RNF212B: variants seen among roughly 807,000 people sequenced by gnomAD.
RNF212B encodes the protein ring finger protein 212B, also known as E3 ubiquitin-protein ligase RNF212B.
A neutral mutation model predicts 55.5 loss-of-function variants in RNF212B; 52 were observed. The observed-to-expected ratio is 0.94, with a 90% CI of 0.75 to 1.18. The LOEUF is 1.18. RNF212B is among the 50% of genes most tolerant of loss of function. The probability of loss-of-function intolerance (pLI) is 0.00; values close to 1 mark genes in which losing one functional copy is unlikely to be tolerated. For missense variants in RNF212B, 289 were observed against 350.4 expected (o/e 0.82, Z 1.40); for synonymous variants, 99 against 121.4 (o/e 0.82, Z 1.21).
upstream of RNF212B, among the ~76,000 whole-genome samples, chr14:23,235,902 G>A (rs1466296839): frequency 1.3e-5 from 2 of 152,142 alleles, no homozygotes; most frequent in African/African-American, 4.8e-5. Context: ...TCATTGATAT[G>A]GTTCAGATCC....
In RNF212B at chr14:23,229,861, C is replaced by A. The variant is rs916948978; in HGVS notation, c.-1-10484C>A. On this transcript the variant is annotated intron_variant, in intron 2 of 15. Coordinates refer to the RNF212B transcript ENST00000399910. ...AAAACTATATTCCCAATAAAACATG[C>A]CCAACTGTCCAGATAGTGGTGACAT... 6 of 155,794 alleles carry A rather than the reference C, an allele frequency of 3.9e-5. No homozygotes were observed. The East Asian group carries it at 1.1e-3, about 29-fold the overall frequency. 9.7% of individuals were successfully genotyped at this position (155,794 alleles called of 1,614,324 possible).
Position 23,273,225 on chromosome 14 carries a change from A to G in RNF212B, c.*334A>G, listed in dbSNP as rs540814469. The G allele has an allele frequency of 1.8e-4, 34 of 188,094 alleles. No individual in the cohort carries two copies. Among genetic ancestry groups the G allele is most frequent in the Admixed American group, 4.0e-4 (7 of 17,604 alleles). The allele number at this position is 188,094 out of a possible 1,614,324, so 11.7% of individuals were successfully genotyped here. On this transcript the variant is annotated 3_prime_UTR_variant, in exon 15 of 15. Transcript: ENST00000430154. ...GAGTTGGGAATGGGGATTGTGATGG[A>G]TCATATACTCATCACTGTTTCATTT... is the stretch of plus-strand genomic sequence containing the variant.
chr14:23,262,856 C>A (rs1885398906), intron 8 of RNF212B, 72 bp from the exon 9 acceptor site: 2 of 1,480,758 alleles, frequency 1.4e-6, no homozygotes, highest in East Asian at 2.5e-5. Context: ...TAACCATGTA[C>A]AACAAATTGG....
chr14:23,251,414 G>A (rs1444218753), intron 4 of RNF212B, among the ~76,000 whole-genome samples: 1 of 152,156 alleles, frequency 6.6e-6, no homozygotes, highest in Non-Finnish European at 1.5e-5. Context: ...ACAAACTTGA[G>A]GATTCCCATG....
intron 2 of RNF212B, among the ~76,000 whole-genome samples, chr14:23,199,523 T>G (rs1004004527): frequency 1.2e-4 from 18 of 152,188 alleles, no homozygotes; most frequent in Non-Finnish European, 2.4e-4. Flanking sequence ...TCCTTTCATA[T>G]TTCCCCCCTT....
intron 2 of RNF212B, among the ~76,000 whole-genome samples, chr14:23,225,897 A>G (rs1437020635): frequency 6.6e-6 from 1 of 152,228 alleles, no homozygotes; most frequent in Non-Finnish European, 1.5e-5. Flanking sequence ...CCTATCTTTC[A>G]TGATGTGAAT....
At chr14:23,185,809 T>C (rs1367328305) in intron 1 of RNF212B, among the ~76,000 whole-genome samples, 1 of 152,140 alleles carries the variant, frequency 6.6e-6, no homozygotes, top group Non-Finnish European at 1.5e-5. Flanking sequence ...ATGTAATATC[T>C]AGGAAAGGGG....
At chr14:23,253,818 A>G (rs1183056479) in intron 4 of RNF212B, among the ~76,000 whole-genome samples, 1 of 152,226 alleles carries the variant, frequency 6.6e-6, no homozygotes, top group Non-Finnish European at 1.5e-5. Flanking sequence ...GAGTTTCACA[A>G]AAGATAGATA....
Position 23,262,647 on chromosome 14 carries a change from T to TG in RNF212B, c.435-18_435-17insG. On this transcript the variant is annotated splice_polypyrimidine_tract_variant and intron_variant, in intron 7 of 14. Transcript: ENST00000430154. ...TGCCTAGAGAGATTAGAGCCGCCTC[T>TG]TTTTTTTTCCCTTGCAGGTCAATCA... is the stretch of plus-strand genomic sequence containing the variant. 6.7e-7 allele frequency: 1 copy of TG among 1,482,662 alleles called. No homozygotes were observed. Among genetic ancestry groups the TG allele is most frequent in the East Asian group, 2.5e-5 (1 of 39,260 alleles). 91.8% of individuals were successfully genotyped at this position (1,482,662 alleles called of 1,614,324 possible).
At chr14:23,209,722 A>G (rs1232406398) in intron 2 of RNF212B, among the ~76,000 whole-genome samples, 1 of 151,722 alleles carries the variant, frequency 6.6e-6, no homozygotes, top group Non-Finnish European at 1.5e-5. Context: ...AAAAATAGTA[A>G]CTTTACAGTG....
chr14:23,239,294 A>T (rs1883382006), intron 1 of RNF212B, among the ~76,000 whole-genome samples: 1 of 152,186 alleles, frequency 6.6e-6, no homozygotes. Flanking sequence ...TCCTGGCCTC[A>T]GGTGATCCAC....
chr14:23,246,932 G>A (rs772832666), intron 4 of RNF212B, among the ~76,000 whole-genome samples: 8 of 152,064 alleles, frequency 5.3e-5, no homozygotes, highest in African/African-American at 7.2e-5. Context: ...CCTGAGGTCC[G>A]GGGTTCGAGA....
intron 2 of RNF212B, among the ~76,000 whole-genome samples, chr14:23,225,165 G>A (rs74605022): frequency 0.086 from 13,132 of 152,090 alleles, 782 homozygotes; most frequent in African/African-American, 0.17. Flanking sequence ...ACAAGTGCTG[G>A]CGAGGATGTG....
rs553679966 is a variant in RNF212B, at chr14:23,216,923, C to T, written c.-1-23422C>T. On this transcript the variant is annotated intron_variant, in intron 2 of 15. Coordinates refer to the RNF212B transcript ENST00000399910. ...AAAAAAAGACCAATCTCAAAGGTTACAGATTGTATGATTCCACTTATACAA... is the reference window on the plus strand; with the variant it reads ...AAAAAAAGACCAATCTCAAAGGTTATAGATTGTATGATTCCACTTATACAA... Among the ~76,000 whole-genome samples the T allele has an allele frequency of 3.1e-5, 4 of 128,858 alleles. No homozygotes were observed. The East Asian group carries it at 9.9e-4, about 32-fold the overall frequency. The allele number at this position is 128,858 out of a possible 152,430, so 84.5% of individuals were successfully genotyped here. A position where few individuals can be genotyped will look rare whatever the true frequency, so the allele number is the denominator to read the frequency against.
At chr14:23,259,269 G>C (rs1885110691) in intron 5 of RNF212B, among the ~76,000 whole-genome samples, 1 of 151,156 alleles carries the variant, frequency 6.6e-6, no homozygotes, top group Non-Finnish European at 1.5e-5. Flanking sequence ...ACTCATTGTA[G>C]CCTCAATCTC....
intron 4 of RNF212B, among the ~76,000 whole-genome samples, chr14:23,246,119 T>C (rs1883960883): frequency 6.6e-6 from 1 of 151,986 alleles, no homozygotes; most frequent in South Asian, 2.1e-4. Context: ...TCTGTAAGTC[T>C]GTAAGTTTTC....
At chr14:23,203,969 C>T (rs866374968) in intron 2 of RNF212B, among the ~76,000 whole-genome samples, 4 of 152,302 alleles carry the variant, frequency 2.6e-5, no homozygotes, top group South Asian at 2.1e-4. Context: ...ATTTGCATTT[C>T]CCTGATCACT....
intron 11 of RNF212B, among the ~76,000 whole-genome samples, chr14:23,265,561 T>TA (rs1429706068): frequency 6.6e-6 from 1 of 152,220 alleles, no homozygotes. Flanking sequence ...AGTCTCCCTC[T>TA]AAATCTCCCA....
intron 2 of RNF212B, among the ~76,000 whole-genome samples, chr14:23,208,476 A>G (rs566245044): frequency 6.6e-6 from 1 of 152,172 alleles, no homozygotes; most frequent in Non-Finnish European, 1.5e-5. Flanking sequence ...AATGGGTGAC[A>G]GAGTGAGATC....
Sources: allele counts gnomAD v4.1 joint callset (sites outside exome capture counted in the v4.1 genomes callset), GRCh38; gene constraint gnomAD v4.1.1; transcripts MANE v1.5; gene names NCBI Gene and HGNC (gene_info 2026-07-23, HGNC 2026-07-21).